The following ASAH1 variants were observed in gnomAD, a reference collection of about 807,000 sequenced individuals.
ASAH1 encodes the protein N-acylsphingosine amidohydrolase 1, also known as acid ceramidase.
In ASAH1, 70 loss-of-function variants were observed where a neutral mutation model predicts 59.5. The observed-to-expected ratio is 1.18, with a 90% CI of 0.97 to 1.43. The LOEUF is 1.43. Ranked by LOEUF, ASAH1 falls within the 40% of genes most tolerant of loss-of-function variation. The pLI, the probability that ASAH1 is intolerant of heterozygous loss-of-function variation, is 0.00. For synonymous variants in ASAH1, 213 were observed against 166.5 expected, an observed-to-expected ratio of 1.28 and a Z score of -2.15; for missense variants, 660 against 482.5, an observed-to-expected ratio of 1.37 and a Z score of -3.45.
At chr8:18,063,805 T>C (rs1736791013) in intron 6 of ASAH1, 1 of 157,722 alleles carries the variant, frequency 6.3e-6, no homozygotes, top group Admixed American at 6.2e-5. Context: ...TCAATGGTCA[T>C]GTTTTGGTTC....
At chr8:18,081,283 C>G (rs1286298665) in intron 1 of ASAH1, among the ~76,000 whole-genome samples, 1 of 152,106 alleles carries the variant, frequency 6.6e-6, no homozygotes, top group Non-Finnish European at 1.5e-5. Flanking sequence ...TCTAGAACAT[C>G]TACTTCTCTC....
At chr8:18,060,309 A>G (rs2117021115) in intron 10 of ASAH1, 1 of 154,506 alleles carries the variant, frequency 6.5e-6, no homozygotes, top group Admixed American at 6.4e-5. Flanking sequence ...GTTTTCTAAA[A>G]AAGGATGGTG....
At position 18,084,096 on chromosome 8, in the gene ASAH1, G is replaced by C. The variant is rs201935182; in HGVS notation, c.-38C>G. ...CAACGCCACTCCCCGGACTCCAGCA[G>C]AGGCAAAGAAGAGCCGGCTGGGCCG... On this transcript the variant is annotated 5_prime_UTR_variant, in exon 1 of 14. Coordinates refer to ENST00000637790, the MANE Select transcript of ASAH1 (RefSeq NM_177924.5). 1.9e-6 allele frequency: 3 copies of C among 1,596,888 alleles called. No homozygotes were observed. The highest frequency in any genetic ancestry group is 2.5e-6 in the Non-Finnish European group (3 of 1,179,196).
intron 11 of ASAH1, 37 bp from the exon 12 acceptor site, chr8:18,059,501 T>C (rs200718467): frequency 2.8e-5 from 46 of 1,614,086 alleles, no homozygotes; most frequent in Non-Finnish European, 3.8e-5. Flanking sequence ...TTAGGCTACA[T>C]GCCTTAAAAC....
chr8:18,062,213 A>T (rs1052336290), intron 8 of ASAH1, 66 bp downstream of exon 8: 1 of 1,608,982 alleles, frequency 6.2e-7, no homozygotes, highest in Non-Finnish European at 8.5e-7. Flanking sequence ...CTTAGATTTC[A>T]ACTTTTACAT....
intron 2 of ASAH1, among the ~76,000 whole-genome samples, chr8:18,074,982 T>C (rs979663984): frequency 2.6e-5 from 4 of 151,704 alleles, no homozygotes; most frequent in African/African-American, 9.7e-5. Flanking sequence ...GAGAATTGAG[T>C]GGAGAATGAA....
rs548201274 is a variant in ASAH1, at chr8:18,056,390, C to T, written c.*1144G>A. 3.3e-5 allele frequency: 5 copies of T among 152,128 alleles called. No individual in the cohort carries two copies. Among genetic ancestry groups the T allele is most frequent in the African/African-American group, 1.2e-4 (5 of 41,480 alleles). 9.4% of individuals were successfully genotyped at this position (152,128 alleles called of 1,614,324 possible). A position where few individuals can be genotyped will look rare whatever the true frequency, so the allele number is the denominator to read the frequency against. On this transcript the variant is annotated 3_prime_UTR_variant, in exon 14 of 14. Coordinates refer to ENST00000637790, the MANE Select transcript of ASAH1 (RefSeq NM_177924.5). ...CAGCTTGTATTTCTTGATAATAACC[C>T]CCCTCCTCCAAACCAACACAGATGT... is the stretch of plus-strand genomic sequence containing the variant.
chr8:18,066,273 A>C (rs1799923940), intron 5 of ASAH1: 2 of 152,064 alleles, frequency 1.3e-5, no homozygotes, highest in African/African-American at 4.8e-5. Context: ...AGAGAATAAA[A>C]ATGAAGGTCA....
intron 1 of ASAH1, among the ~76,000 whole-genome samples, chr8:18,081,464 AT>A (rs1024913000): frequency 3.3e-5 from 5 of 152,136 alleles, no homozygotes; most frequent in Admixed American, 3.3e-4. Context: ...AGATCCTCCC[AT>A]TTTTTAGGAT....
chr8:18,071,483 C>A (rs1800176008), intron 2 of ASAH1, 93 bp from the exon 3 acceptor site: 1 of 894,682 alleles, frequency 1.1e-6, no homozygotes, highest in South Asian at 1.4e-5. Context: ...GAGGCAAAGT[C>A]TTAACAGCAG....
chr8:18,079,053 G>A (rs570466570), intron 1 of ASAH1, among the ~76,000 whole-genome samples: 1 of 152,220 alleles, frequency 6.6e-6, no homozygotes, highest in East Asian at 1.9e-4. Context: ...GAGGTGGGTG[G>A]ATCACCTGAG....
At chr8:18,061,186 A>G (rs987504738) in intron 10 of ASAH1, 191 bp downstream of exon 10, 2 of 508,944 alleles carry the variant, frequency 3.9e-6, no homozygotes, top group African/African-American at 1.9e-5. Context: ...TAAGTAATTC[A>G]TTTATTTGCT....
chr8:18,077,575 G>C (rs908693495), intron 1 of ASAH1, among the ~76,000 whole-genome samples: 1 of 152,148 alleles, frequency 6.6e-6, no homozygotes, highest in Non-Finnish European at 1.5e-5. Flanking sequence ...TGACAGTCAA[G>C]AAAAATCACT....
chr8:18,079,651 C>T (rs1800568016), intron 1 of ASAH1, among the ~76,000 whole-genome samples: 1 of 152,118 alleles, frequency 6.6e-6, no homozygotes, highest in African/African-American at 2.4e-5. Context: ...CAGAAAGAGA[C>T]AATGAAGGAT....
intron 4 of ASAH1, 69 bp from the exon 5 acceptor site, chr8:18,067,367 A>G: frequency 2.1e-6 from 2 of 962,962 alleles, no homozygotes; most frequent in Non-Finnish European, 2.8e-6. Context: ...TATAATATAA[A>G]CAAATATAAT....
At chr8:18,062,648 T>G in intron 7 of ASAH1, 2 of 558,408 alleles carry the variant, frequency 3.6e-6, no homozygotes, top group Non-Finnish European at 6.4e-6. Flanking sequence ...TTATAAATAG[T>G]GAGCCTCAGA....
upstream of ASAH1, chr8:18,084,113 GCTGGGCCGGGGGCAGGCCACGCCCC>G: frequency 6.3e-7 from 1 of 1,589,604 alleles, no homozygotes; most frequent in Non-Finnish European, 8.5e-7. Context: ...AGAAGAGCCG[GCTGGGCCGGGGGCAGGCCACGCCCC>G]CTCCGCCGCG....
intron 1 of ASAH1, among the ~76,000 whole-genome samples, chr8:18,082,173 A>T (rs1265288667): frequency 6.6e-6 from 1 of 152,240 alleles, no homozygotes; most frequent in Non-Finnish European, 1.5e-5. Context: ...ACCAGTGGCC[A>T]GACTAGACTT....
At chr8:18,069,140 CA>C (rs34419879) in intron 4 of ASAH1, among the ~76,000 whole-genome samples, 1,356 of 90,052 alleles carry the variant, frequency 0.015, 2 homozygotes, top group East Asian at 0.024. Flanking sequence ...GATGAGGTCT[CA>C]AAAAAAAAAA....
Sources: gnomAD v4.1 joint callset for allele counts (sites outside exome capture counted in the v4.1 genomes callset) on GRCh38, gnomAD v4.1.1 for gene constraint, MANE v1.5 for transcripts, NCBI Gene and HGNC (gene_info 2026-07-23, HGNC 2026-07-21) for gene names.